Variants in ELP4 observed in about 807,000 individuals in gnomAD.
ELP4 encodes elongator complex protein 4.
Under a neutral mutation model 48.9 loss-of-function variants are expected in ELP4, and 51 were observed. The ratio of observed to expected loss-of-function variants is 1.04; its 90% CI spans 0.83 to 1.32. ELP4 has a LOEUF of 1.32. ELP4 is among the 40% of genes most tolerant of loss of function. The pLI is 0.00. For synonymous variants in ELP4, 210 were observed against 189.2 expected, an observed-to-expected ratio of 1.11 and a Z score of -0.90; for missense variants, 519 against 514.6, an observed-to-expected ratio of 1.01 and a Z score of -0.08.
intron 3 of ELP4, among the ~76,000 whole-genome samples, chr11:31,547,180 A>C (rs1366199575): frequency 6.6e-6 from 1 of 152,218 alleles, no homozygotes; most frequent in East Asian, 1.9e-4. Flanking sequence ...CCCTTCAAAA[A>C]ATTAGTGAAT....
intron 3 of ELP4, among the ~76,000 whole-genome samples, chr11:31,553,950 C>A (rs1956892262): frequency 2.0e-5 from 3 of 152,100 alleles, no homozygotes; most frequent in Non-Finnish European, 4.4e-5. Context: ...TGTATTACTG[C>A]CTGAGCTCTA....
intron 9 of ELP4, among the ~76,000 whole-genome samples, chr11:31,739,128 C>G (rs1947390520): frequency 6.6e-6 from 1 of 151,596 alleles, no homozygotes; most frequent in East Asian, 1.9e-4. Flanking sequence ...ATCTCATACA[C>G]CAATATTCTC....
intron 3 of ELP4, among the ~76,000 whole-genome samples, chr11:31,547,060 A>G (rs1956739526): frequency 1.3e-5 from 2 of 152,214 alleles, no homozygotes; most frequent in Admixed American, 6.5e-5. Context: ...ACACCCTAAC[A>G]TCACAATTAA....
At chr11:31,583,861 T>C (rs11031418) in intron 3 of ELP4, among the ~76,000 whole-genome samples, 13,350 of 152,272 alleles carry the variant, frequency 0.088, 1,627 homozygotes, top group African/African-American at 0.27. Flanking sequence ...AGAGAAGCTA[T>C]TAACTACTTT....
intron 3 of ELP4, among the ~76,000 whole-genome samples, chr11:31,582,976 A>G (rs1245806382): frequency 1.3e-5 from 2 of 152,152 alleles, no homozygotes; most frequent in Non-Finnish European, 2.9e-5. Flanking sequence ...CCTATCTTCA[A>G]AGTGATGTCT....
At chr11:31,565,012 A>G (rs1050572293) in intron 3 of ELP4, among the ~76,000 whole-genome samples, 10 of 152,124 alleles carry the variant, frequency 6.6e-5, no homozygotes, top group Non-Finnish European at 8.8e-5. Flanking sequence ...AAGTGTTCCT[A>G]TGTCTCCACA....
chr11:31,688,856 G>A (rs1333741505), intron 9 of ELP4, among the ~76,000 whole-genome samples: 1 of 152,120 alleles, frequency 6.6e-6, no homozygotes, highest in Non-Finnish European at 1.5e-5. Context: ...AAACAAATTT[G>A]TGAGGATTTG....
intron 9 of ELP4, among the ~76,000 whole-genome samples, chr11:31,732,157 C>T (rs975119788): frequency 1.3e-5 from 2 of 152,052 alleles, no homozygotes; most frequent in Non-Finnish European, 2.9e-5. Context: ...ATACAGAATA[C>T]TGTAACACTG....
chr11:31,627,277 A>T (rs1944767369), intron 6 of ELP4, 83 bp downstream of exon 6: 1 of 641,892 alleles, frequency 1.6e-6, no homozygotes, highest in African/African-American at 1.9e-5. Context: ...GGGAACCCAG[A>T]AGTTTTAGAA....
intron 5 of ELP4, among the ~76,000 whole-genome samples, chr11:31,614,550 C>A (rs1226791838): frequency 1.3e-5 from 2 of 151,916 alleles, no homozygotes; most frequent in Non-Finnish European, 2.9e-5. Context: ...ACTTACATAG[C>A]CAGAAAGTAC....
chr11:31,630,501 G>C (rs947174797), intron 6 of ELP4, among the ~76,000 whole-genome samples: 3 of 151,728 alleles, frequency 2.0e-5, no homozygotes, highest in Non-Finnish European at 4.4e-5. Flanking sequence ...GCTAATGTTT[G>C]TATTTTTAGT....
chr11:31,722,164 C>G (rs1418370429), intron 9 of ELP4, among the ~76,000 whole-genome samples: 1 of 152,148 alleles, frequency 6.6e-6, no homozygotes, highest in Non-Finnish European at 1.5e-5. Context: ...ACACGTCTAT[C>G]CAACCTGGCC....
chr11:31,536,343 T>A (rs1956501263), intron 2 of ELP4, among the ~76,000 whole-genome samples: 1 of 152,086 alleles, frequency 6.6e-6, no homozygotes, highest in African/African-American at 2.4e-5. Flanking sequence ...CCAAACTGTT[T>A]TTGTTTTGTT....
chr11:31,596,493 A>T (rs952226503), intron 4 of ELP4, among the ~76,000 whole-genome samples: 10 of 152,300 alleles, frequency 6.6e-5, no homozygotes, highest in Non-Finnish European at 1.5e-4. Context: ...ATTTTCTGTG[A>T]GGCAGAGAGC....
At chr11:31,698,595 T>G (rs1348900479) in intron 9 of ELP4, among the ~76,000 whole-genome samples, 2 of 152,098 alleles carry the variant, frequency 1.3e-5, no homozygotes, top group Non-Finnish European at 2.9e-5. Context: ...GTCTTTTTAG[T>G]AGCGACAGGG....
Position 31,775,512 on chromosome 11 carries a change from G to A in ELP4, c.1144-7881G>A, listed in dbSNP as rs1382556933. On this transcript the variant is annotated intron_variant, in intron 9 of 9. Coordinates refer to ENST00000640961, the MANE Select transcript of ELP4 (RefSeq NM_019040.5). ...TGTAGTCATTTGGACAGGGAATTCT[G>A]AGGTTATGAGTACCCAGAGCATGTT... Among the ~76,000 whole-genome samples the A allele has an allele frequency of 4.6e-5, 7 of 152,164 alleles. No homozygotes were observed. The East Asian group carries it at 1.3e-3, about 29-fold the overall frequency.
intron 7 of ELP4, among the ~76,000 whole-genome samples, chr11:31,641,990 G>A (rs1010100159): frequency 1.1e-4 from 16 of 151,836 alleles, no homozygotes; most frequent in African/African-American, 3.9e-4. Flanking sequence ...AAAGATTTCT[G>A]ATTTAGGAAG....
intron 9 of ELP4, among the ~76,000 whole-genome samples, chr11:31,700,571 G>A (rs983452116): frequency 1.3e-5 from 2 of 151,948 alleles, no homozygotes; most frequent in African/African-American, 4.8e-5. Context: ...AAATAAGTAC[G>A]TTTTCCCAGT....
chr11:31,769,916 T>C (rs1195484213), intron 9 of ELP4, among the ~76,000 whole-genome samples: 1 of 152,226 alleles, frequency 6.6e-6, no homozygotes, highest in Non-Finnish European at 1.5e-5. Flanking sequence ...ATTAGTATTC[T>C]TAAGCCACCT....
Sources: gnomAD v4.1 joint callset for allele counts (sites outside exome capture counted in the v4.1 genomes callset) on GRCh38, gnomAD v4.1.1 for gene constraint, MANE v1.5 for transcripts, NCBI Gene and HGNC (gene_info 2026-07-23, HGNC 2026-07-21) for gene names.